The following TBC1D5 variants were observed in gnomAD, a reference collection of about 807,000 sequenced individuals.
TBC1D5 encodes TBC1 domain family, member 5.
In TBC1D5, 75 loss-of-function variants were observed where a neutral mutation model predicts 100.3. The observed-to-expected ratio is 0.75, with a 90% confidence interval of 0.62 to 0.91. TBC1D5 has a LOEUF of 0.91. Ranked by LOEUF, TBC1D5 falls within the 40% of genes least tolerant of loss-of-function variation. The pLI is 0.00. For synonymous variants in TBC1D5, 323 were observed against 325.6 expected (o/e 0.99, Z 0.09); for missense variants, 910 against 942.4 (o/e 0.97, Z 0.45).
exon 1 of TBC1D5, chr3:17,739,722 G>A (rs1387985397): frequency 6.6e-6 from 1 of 152,212 alleles, no homozygotes; most frequent in Non-Finnish European, 1.5e-5. Flanking sequence ...GGCGCGGCCT[G>A]GTGTGATCCT....
intron 3 of TBC1D5, among the ~76,000 whole-genome samples, chr3:17,441,892 G>A (rs1196471027): frequency 6.6e-6 from 1 of 151,304 alleles, no homozygotes; most frequent in Non-Finnish European, 1.5e-5. Flanking sequence ...TACATCATAG[G>A]TTACTAGTAG....
chr3:17,573,621 G>A (rs2096640258), intron 2 of TBC1D5, among the ~76,000 whole-genome samples: 1 of 151,818 alleles, frequency 6.6e-6, no homozygotes, highest in African/African-American at 2.4e-5. Context: ...CAAACTACTT[G>A]CAGTTCCTCA....
At chr3:17,625,232 G>A (rs2062955869) in intron 1 of TBC1D5, among the ~76,000 whole-genome samples, 1 of 151,410 alleles carries the variant, frequency 6.6e-6, no homozygotes, top group South Asian at 2.1e-4. Flanking sequence ...ATGCTAAAGG[G>A]AAATGAAAAA....
intron 10 of TBC1D5, among the ~76,000 whole-genome samples, chr3:17,376,322 A>G (rs549455340): frequency 1.1e-4 from 17 of 152,280 alleles, no homozygotes; most frequent in East Asian, 3.9e-4. Flanking sequence ...AAAGACATTT[A>G]TGATTCTAAA....
At chr3:17,280,900 G>A (rs2080512011) in intron 15 of TBC1D5, among the ~76,000 whole-genome samples, 1 of 152,222 alleles carries the variant, frequency 6.6e-6, no homozygotes, top group Admixed American at 6.5e-5. Context: ...TCAGGGTGGG[G>A]GAGTGGGGGT....
rs747732417 is a variant in TBC1D5 at position 17,238,151 on chromosome 3, A to G, written c.1588+12T>C. 1 of 1,609,014 alleles carries G rather than the reference A, an allele frequency of 6.2e-7. No individual in the cohort carries two copies. Among genetic ancestry groups the G allele is most frequent in the African/African-American group, 1.3e-5 (1 of 74,780 alleles). On this transcript the variant is annotated intron_variant, in intron 17 of 21. Transcript: ENST00000253692. The stretch of plus-strand genomic sequence containing the variant: ...GAATGTTTTCTTTAGATTTACTAGT[A>G]TTTTTTCCTACCTTTGTTCAATTGC...
chr3:17,319,080 G>T (rs1353326857), intron 13 of TBC1D5, among the ~76,000 whole-genome samples: 1 of 152,086 alleles, frequency 6.6e-6, no homozygotes, highest in African/African-American at 2.4e-5. Flanking sequence ...ATTGTATTTC[G>T]GGCTAATGGA....
chr3:17,560,822 G>A (rs2096553927), intron 2 of TBC1D5, among the ~76,000 whole-genome samples: 2 of 151,568 alleles, frequency 1.3e-5, no homozygotes, highest in African/African-American at 4.8e-5. Flanking sequence ...TAGGGAGGCT[G>A]AGGCAGGAGA....
intron 1 of TBC1D5, among the ~76,000 whole-genome samples, chr3:17,663,519 T>G (rs2066890922): frequency 6.6e-6 from 1 of 152,164 alleles, no homozygotes; most frequent in Non-Finnish European, 1.5e-5. Flanking sequence ...AACAAGAAAC[T>G]ACTTTTCTCT....
chr3:17,218,204 A>G (rs1209948924), intron 17 of TBC1D5, among the ~76,000 whole-genome samples: 1 of 152,052 alleles, frequency 6.6e-6, no homozygotes, highest in Non-Finnish European at 1.5e-5. Flanking sequence ...TCTTTATGTC[A>G]GTATCACATT....
chr3:17,612,885 TTTC>T (rs1196155838), intron 2 of TBC1D5, among the ~76,000 whole-genome samples: 2 of 148,580 alleles, frequency 1.3e-5, no homozygotes, highest in African/African-American at 2.6e-5. Flanking sequence ...AAAGCCCCCT[TTTC>T]TTTTTTTTTT....
At chr3:17,404,110 G>A (rs1176908464) in intron 7 of TBC1D5, among the ~76,000 whole-genome samples, 1 of 151,994 alleles carries the variant, frequency 6.6e-6, no homozygotes, top group Non-Finnish European at 1.5e-5. Flanking sequence ...CTTACGTATT[G>A]GGAAAGAGGA....
At chr3:17,601,158 T>G (rs577107092) in intron 2 of TBC1D5, among the ~76,000 whole-genome samples, 15 of 152,218 alleles carry the variant, frequency 9.9e-5, no homozygotes, top group Non-Finnish European at 1.9e-4. Flanking sequence ...GTAGCCTATA[T>G]AGTCATTGAA....
intron 13 of TBC1D5, among the ~76,000 whole-genome samples, chr3:17,367,601 G>GGGGAGCGCAGTGGC (rs2092228947): frequency 6.6e-6 from 1 of 152,152 alleles, no homozygotes; most frequent in Admixed American, 6.5e-5. Flanking sequence ...GCTCACACGT[G>GGGGAGCGCAGTGGC]TAACCCCAGC....
chr3:17,497,087 GACACACACACACACAC>G (rs71049202), intron 3 of TBC1D5, among the ~76,000 whole-genome samples: 27 of 129,084 alleles, frequency 2.1e-4, no homozygotes, highest in East Asian at 1.2e-3. Flanking sequence ...CTCTCTCTCT[GACACACACACACACAC>G]ACACACACAC....
chr3:17,551,265 AGT>A (rs1343632707), intron 2 of TBC1D5, among the ~76,000 whole-genome samples: 3 of 152,178 alleles, frequency 2.0e-5, no homozygotes, highest in African/African-American at 7.2e-5. Context: ...AAACTATAAA[AGT>A]ATATCTTTTT....
At chr3:17,671,232 T>A (rs75309811) in intron 1 of TBC1D5, among the ~76,000 whole-genome samples, 1 of 152,184 alleles carries the variant, frequency 6.6e-6, no homozygotes, top group South Asian at 2.1e-4. Context: ...ACAATACAGA[T>A]GCAGAAGGAC....
At chr3:17,349,517 G>A in intron 13 of TBC1D5, among the ~76,000 whole-genome samples, 1 of 152,122 alleles carries the variant, frequency 6.6e-6, no homozygotes, top group East Asian at 1.9e-4. Context: ...AAATCAGTAT[G>A]GTGATTGTAA....
chr3:17,380,440 T>C (rs951796069), intron 9 of TBC1D5, among the ~76,000 whole-genome samples: 2 of 151,940 alleles, frequency 1.3e-5, no homozygotes, highest in African/African-American at 2.4e-5. Flanking sequence ...GGCAATTACA[T>C]AGACGTCTTT....
Sources: allele counts gnomAD v4.1 joint callset (sites outside exome capture counted in the v4.1 genomes callset), GRCh38; gene constraint gnomAD v4.1.1; transcripts MANE v1.5; gene names NCBI Gene and HGNC (gene_info 2026-07-23, HGNC 2026-07-21).